The following NELL1 variants were observed in gnomAD, a reference collection of about 807,000 sequenced individuals.
NELL1 encodes the protein protein kinase C-binding protein NELL1.
NELL1 carries 76 observed loss-of-function variants against 107.4 expected under a neutral mutation model. The observed-to-expected ratio is 0.71, with a 90% CI of 0.59 to 0.86. The LOEUF is 0.86. NELL1 is among the 40% of genes least tolerant of loss of function. The pLI is 0.00. For synonymous variants in NELL1, 353 were observed against 341.2 expected, an observed-to-expected ratio of 1.03 and a Z score of -0.38; for missense variants, 1,024 against 1,005.5, an observed-to-expected ratio of 1.02 and a Z score of -0.25.
chr11:21,280,860 T>G (rs1031023836), intron 14 of NELL1, among the ~76,000 whole-genome samples: 4 of 152,160 alleles, frequency 2.6e-5, no homozygotes, highest in African/African-American at 4.8e-5. Context: ...TTCCAAAGCC[T>G]AGGCTCTAAA....
intron 3 of NELL1, among the ~76,000 whole-genome samples, chr11:20,834,920 G>T (rs1415324998): frequency 6.6e-6 from 1 of 152,148 alleles, no homozygotes; most frequent in Non-Finnish European, 1.5e-5. Context: ...AGAACTGCTA[G>T]GCTGTAGGAA....
chr11:21,492,850 C>T (rs1854864126), intron 15 of NELL1, among the ~76,000 whole-genome samples: 1 of 151,768 alleles, frequency 6.6e-6, no homozygotes, highest in Admixed American at 6.6e-5. Context: ...ACATATGTAA[C>T]TAACGTGCAC....
At chr11:21,198,176 C>T (rs995638011) in intron 13 of NELL1, among the ~76,000 whole-genome samples, 1 of 152,196 alleles carries the variant, frequency 6.6e-6, no homozygotes, top group African/African-American at 2.4e-5. Flanking sequence ...CTAGAGCACT[C>T]CATGTGCCTC....
chr11:21,570,920 T>G lies in NELL1; in HGVS notation c.2137T>G (p.Cys713Gly), dbSNP rs1185470963. 1.2e-6 allele frequency: 2 copies of G among 1,611,472 alleles called. No individual in the cohort carries two copies. Among genetic ancestry groups the G allele is most frequent in the Non-Finnish European group, 1.7e-6 (2 of 1,178,324 alleles). Residue 713 changes from cysteine to glycine, a missense_variant, in exon 18 of 20, where the codon TGT (cysteine) becomes GGT (glycine). Coordinates refer to ENST00000357134, the MANE Select transcript of NELL1 (RefSeq NM_006157.5). ...AAGTGGAGACAATTGGACCCATAGC[T>G]GTCAGCAGTGTCGGTGTCTGGTATG... Reference protein sequence around the residue: ...YRSGDNWTHSCQQCRCLEGEV... With the variant: ...YRSGDNWTHSGQQCRCLEGEV...
intron 5 of NELL1, 152 bp downstream of exon 5, chr11:20,885,692 T>C (rs1006550694): frequency 2.8e-5 from 17 of 597,336 alleles, no homozygotes; most frequent in African/African-American, 2.8e-4. Flanking sequence ...TTGTGACACA[T>C]GCTTTTTTAT....
intron 15 of NELL1, among the ~76,000 whole-genome samples, chr11:21,463,892 A>T (rs1209506346): frequency 6.6e-6 from 1 of 152,098 alleles, no homozygotes; most frequent in African/African-American, 2.4e-5. Context: ...TGAAGCTGGA[A>T]TCCTCGGAAG....
At chr11:20,702,354 G>A (rs1405571186) in intron 2 of NELL1, among the ~76,000 whole-genome samples, 1 of 152,142 alleles carries the variant, frequency 6.6e-6, no homozygotes, top group African/African-American at 2.4e-5. Flanking sequence ...TTTGCACATT[G>A]ATTTTGTATC....
chr11:21,050,211 CA>C, intron 12 of NELL1, among the ~76,000 whole-genome samples: 1 of 152,180 alleles, frequency 6.6e-6, no homozygotes. Flanking sequence ...TTTTATTTAG[CA>C]TTGTGATATT....
At chr11:21,318,825 G>A (rs1006464700) in intron 14 of NELL1, among the ~76,000 whole-genome samples, 1 of 152,018 alleles carries the variant, frequency 6.6e-6, no homozygotes, top group African/African-American at 2.4e-5. Context: ...AATCAAAATC[G>A]TTAAGAGTAC....
chr11:20,939,395 A>G (rs1024539797), intron 10 of NELL1, among the ~76,000 whole-genome samples: 1 of 151,894 alleles, frequency 6.6e-6, no homozygotes, highest in African/African-American at 2.4e-5. Context: ...AAAGAGTCCC[A>G]GAAGTTAGGA....
chr11:21,034,684 A>T (rs1170050857), intron 12 of NELL1, among the ~76,000 whole-genome samples: 1 of 152,204 alleles, frequency 6.6e-6, no homozygotes, highest in East Asian at 1.9e-4. Flanking sequence ...AAAGTTAAAA[A>T]GTTCTTTGAA....
chr11:20,897,936 AT>A (rs1295189945), intron 5 of NELL1, among the ~76,000 whole-genome samples: 1 of 152,154 alleles, frequency 6.6e-6, no homozygotes, highest in Non-Finnish European at 1.5e-5. Flanking sequence ...GCTGGAGAGG[AT>A]GTGTAGAAAT....
chr11:20,822,777 A>G (rs1857787351), intron 3 of NELL1, among the ~76,000 whole-genome samples: 1 of 152,164 alleles, frequency 6.6e-6, no homozygotes, highest in Non-Finnish European at 1.5e-5. Context: ...ATGGGGAGGT[A>G]AAGGTTGGAG....
At chr11:20,977,473 C>A (rs1590489725) in intron 12 of NELL1, among the ~76,000 whole-genome samples, 1 of 152,010 alleles carries the variant, frequency 6.6e-6, no homozygotes, top group East Asian at 1.9e-4. Flanking sequence ...ACCATGTTAG[C>A]CAGGATGGTC....
chr11:21,526,465 C>T (rs1855858408), intron 15 of NELL1, among the ~76,000 whole-genome samples: 1 of 152,204 alleles, frequency 6.6e-6, no homozygotes, highest in Non-Finnish European at 1.5e-5. Context: ...GCCCTCTTCT[C>T]ACAGCTAGCT....
At chr11:21,427,255 G>A (rs1039212432) in intron 15 of NELL1, among the ~76,000 whole-genome samples, 2 of 152,074 alleles carry the variant, frequency 1.3e-5, no homozygotes, top group Admixed American at 1.3e-4. Flanking sequence ...TTTTGTTTTG[G>A]CAACTGTAAC....
chr11:20,678,483 G>A (rs1854116424), intron 2 of NELL1, among the ~76,000 whole-genome samples: 1 of 152,180 alleles, frequency 6.6e-6, no homozygotes, highest in Non-Finnish European at 1.5e-5. Context: ...TCTCCTTGAG[G>A]TAGAGCTTAC....
intron 15 of NELL1, among the ~76,000 whole-genome samples, chr11:21,524,416 A>G (rs1855800369): frequency 6.6e-6 from 1 of 152,174 alleles, no homozygotes; most frequent in South Asian, 2.1e-4. Context: ...ATTCTAAAAT[A>G]GAATGTATGT....
intron 14 of NELL1, among the ~76,000 whole-genome samples, chr11:21,337,624 G>T (rs969294851): frequency 5.3e-5 from 8 of 152,150 alleles, no homozygotes; most frequent in Non-Finnish European, 8.8e-5. Context: ...ATATGTAAAA[G>T]AACAAGTGAT....
Sources: allele counts gnomAD v4.1 joint callset (sites outside exome capture counted in the v4.1 genomes callset), GRCh38; gene constraint gnomAD v4.1.1; transcripts MANE v1.5; gene names NCBI Gene and HGNC (gene_info 2026-07-23, HGNC 2026-07-21).